Variants in OXSM observed in about 807,000 individuals in gnomAD.
OXSM encodes the protein 3-oxoacyl-ACP synthase, mitochondrial, also known as 3-oxoacyl-[acyl-carrier-protein] synthase, mitochondrial.
In OXSM, 19 loss-of-function variants were observed where a neutral mutation model predicts 29.2. The observed-to-expected ratio is 0.65, with a 90% confidence interval of 0.45 to 0.96. The LOEUF is 0.96. Among genes scored for constraint, OXSM ranks in the 40% least tolerant of loss-of-function variants. OXSM has a pLI of 0.00. For synonymous variants in OXSM, 178 were observed against 197.1 expected (o/e 0.90, Z 0.81); for missense variants, 554 against 551.3 (o/e 1.00, Z -0.05).
In OXSM at chr3:25,794,274, T is replaced by A. The variant is rs748222631; in HGVS notation, c.1160T>A (p.Leu387Gln). Residue 387 changes from leucine (L) to glutamine (Q), a missense_variant, in exon 3 of 3, where the codon CTG (leucine) becomes CAG (glutamine). Coordinates refer to ENST00000280701, the MANE Select transcript of OXSM (RefSeq NM_017897.3). Reference sequence around the variant, plus strand: ...ACTAAGGGAGCAACAGGACATCTGCTGGGAGCTGCAGGGGCAGTCGAGGCA... The same window carrying A: ...ACTAAGGGAGCAACAGGACATCTGCAGGGAGCTGCAGGGGCAGTCGAGGCA... Reference protein sequence around the residue: ...SSTKGATGHLLGAAGAVEAAF... With the variant: ...SSTKGATGHLQGAAGAVEAAF... The A allele has an allele frequency of 1.6e-5, 26 of 1,614,220 alleles. No homozygotes were observed. In the South Asian group the frequency reaches 2.9e-4, roughly 18 times the overall value.
At chr3:25,793,419 C>G (rs1708808601) in intron 2 of OXSM, among the ~76,000 whole-genome samples, 1 of 152,132 alleles carries the variant, frequency 6.6e-6, no homozygotes, top group Non-Finnish European at 1.5e-5. Flanking sequence ...TCTGAGCTGG[C>G]TGTTAAGAAA....
chr3:25,790,755 G>A (rs898295240), intron 1 of OXSM: 2 of 375,040 alleles, frequency 5.3e-6, no homozygotes, highest in Non-Finnish European at 9.6e-6. Context: ...TGACTCGAAT[G>A]AATCATCAAT....
Position 25,791,036 on chromosome 3 carries a change from C to T in OXSM, c.16C>T (p.Gln6Ter). MSNCL[Q>*]NFLKITSTRL... ...AATCTTAATCATGTCCAACTGCCTG[C>T]AAAATTTCCTGAAAATTACAAGCAC... Residue 6 changes from glutamine to a stop codon, truncating the protein, a stop_gained, in exon 2 of 3, where the codon CAA (glutamine) becomes TAA (stop). Transcript: ENST00000280701. LOFTEE classifies it high-confidence loss of function. 1.2e-6 allele frequency: 2 copies of T among 1,611,248 alleles called. No individual in the cohort carries two copies. The highest frequency in any genetic ancestry group is 2.2e-5 in the South Asian group (2 of 90,948).
chr3:25,794,492 T>C lies in OXSM; in HGVS notation c.1378T>C (p.Ter460GlnextTer3), dbSNP rs9851096. 12,314 of 1,575,054 alleles carry C rather than the reference T, an allele frequency of 7.8e-3. 752 individuals carry two copies. The African/African-American group carries it at 0.14, about 18-fold the overall frequency. The change falls in exon 3 of 3, where the codon TAG (stop) becomes CAG (glutamine). Residue 460 changes from the stop codon to glutamine, a stop_lost. Transcript: ENST00000280701. ...TGCAACACTTTGTATTGCTGGACTGTAGAACATATAATTTGTAATTAAATA... is the reference window on the plus strand; with the variant it reads ...TGCAACACTTTGTATTGCTGGACTGCAGAACATATAATTTGTAATTAAATA... ...TNATLCIAGL* is the reference protein window; with the variant it reads ...TNATLCIAGLQ
chr3:25,791,279 A>C lies in OXSM; in HGVS notation c.259A>C (p.Ser87Arg). 2 of 1,614,216 alleles carry C rather than the reference A, an allele frequency of 1.2e-6. No homozygotes were observed. Among genetic ancestry groups the C allele is most frequent in the African/African-American group, 2.7e-5 (2 of 75,054 alleles). Residue 87 changes from serine (S) to arginine (R), a missense_variant, in exon 2 of 3, where the codon AGT becomes CGT. Ser to Arg is a moderately radical substitution (Grantham distance 110, BLOSUM62 -1). Coordinates refer to ENST00000280701, the MANE Select transcript of OXSM (RefSeq NM_017897.3). The stretch of plus-strand genomic sequence containing the variant: ...TGAAGAGTATAAGAGTATCCCTTGC[A>C]GTGTTGCTGCTTATGTGCCAAGAGG... ...VGEEYKSIPC[S>R]VAAYVPRGSD... is the part of the protein sequence containing the mutation.
In OXSM at chr3:25,791,774, C is replaced by T. The variant is rs1042683537; in HGVS notation, c.754C>T (p.Arg252Trp). ...PLSLAGFSRA[R>W]ALSTNSDPKL... ...ATCTCTTGCTGGGTTTTCCAGAGCCCGGGCTCTGAGCACAAACTCAGATCC... is the reference window on the plus strand; with the variant it reads ...ATCTCTTGCTGGGTTTTCCAGAGCCTGGGCTCTGAGCACAAACTCAGATCC... Residue 252 changes from arginine (R) to tryptophan (W), a missense_variant, in exon 2 of 3, where the codon CGG (arginine) becomes TGG (tryptophan). Physicochemically the swap from Arg to Trp is moderately radical, Grantham distance 101. Coordinates refer to ENST00000280701, the MANE Select transcript of OXSM (RefSeq NM_017897.3). 15 of 1,614,000 alleles carry T rather than the reference C, an allele frequency of 9.3e-6. No individual in the cohort carries two copies. Among genetic ancestry groups the T allele is most frequent in the Non-Finnish European group, 1.2e-5 (14 of 1,180,022 alleles).
chr3:25,793,228 A>C (rs559340067), intron 2 of OXSM, among the ~76,000 whole-genome samples: 1 of 151,424 alleles, frequency 6.6e-6, no homozygotes, highest in East Asian at 1.9e-4. Flanking sequence ...TCCTGGCCTC[A>C]AGCAGTCCTC....
chr3:25,791,000 C>T lies in OXSM; in HGVS notation c.-21C>T, dbSNP rs773536942. 5.0e-6 allele frequency: 8 copies of T among 1,597,008 alleles called. No individual in the cohort carries two copies. In the East Asian group the frequency reaches 1.3e-4, roughly 27 times the overall value. On this transcript the variant is annotated 5_prime_UTR_variant, in exon 2 of 3. Coordinates refer to ENST00000280701, the MANE Select transcript of OXSM (RefSeq NM_017897.3). ...TGTGGTCTTTTACAGGAATGTGTTT[C>T]TGATCATCTGAATCTTAATCATGTC...
rs773852165 is a variant in OXSM at position 25,791,296 on chromosome 3, G to A, written c.276G>A (p.Val92=). The stretch of plus-strand genomic sequence containing the variant: ...TCCCTTGCAGTGTTGCTGCTTATGT[G>A]CCAAGAGGTAGTGATGAAGGTCAGT... ...KSIPCSVAAY[V]PRGSDEGQFN... is the part of the protein sequence containing the mutation. Residue 92 remains valine (V), a synonymous_variant, in exon 2 of 3, where the codon GTG becomes GTA. Transcript: ENST00000280701. 1.9e-6 allele frequency: 3 copies of A among 1,614,124 alleles called. No individual in the cohort carries two copies. The highest frequency in any genetic ancestry group is 2.5e-6 in the Non-Finnish European group (3 of 1,180,014).
rs1559568804 is a variant in OXSM, at chr3:25,791,934, A to G, written c.914A>G (p.Tyr305Cys). 2.5e-6 allele frequency: 4 copies of G among 1,601,456 alleles called. No individual in the cohort carries two copies. The highest frequency in any genetic ancestry group is 1.7e-5 in the Admixed American group (1 of 60,014). Residue 305 changes from tyrosine (Y) to cysteine (C), a missense_variant, in exon 2 of 3, where the codon TAT becomes TGT. By Grantham distance (194) the Tyr-to-Cys change is radical. Coordinates refer to ENST00000280701, the MANE Select transcript of OXSM (RefSeq NM_017897.3). ...CGGATCTATGCAGAAGTTTTGGGCT[A>G]TGGACTCTCAGGTGATGCTGGTCAC... ...RARIYAEVLG[Y>C]GLSGDAGHIT...
chr3:25,791,849 G>T lies in OXSM; in HGVS notation c.829G>T (p.Gly277Ter), dbSNP rs1488263883. The T allele has an allele frequency of 1.2e-6, 2 of 1,613,906 alleles. No homozygotes were observed. Among genetic ancestry groups the T allele is most frequent in the Admixed American group, 3.3e-5 (2 of 60,030 alleles). The stretch of plus-strand genomic sequence containing the variant: ...TCCAAAGAGAGATGGTTTTGTAATG[G>T]GAGAAGGTGCAGCTGTGCTGGTGCT... ...FHPKRDGFVM[G>*]EGAAVLVLEE... Residue 277 changes from glycine to a stop codon, truncating the protein, a stop_gained, in exon 2 of 3, where the codon GGA becomes TGA. Transcript: ENST00000280701. LOFTEE classifies it high-confidence loss of function.
intron 2 of OXSM, among the ~76,000 whole-genome samples, 191 bp downstream of exon 2, chr3:25,792,188 T>TA (rs1708773601): frequency 6.6e-6 from 1 of 152,206 alleles, no homozygotes; most frequent in Admixed American, 6.5e-5. Context: ...TGAACATACT[T>TA]ACAAAAATTG....
Position 25,791,140 on chromosome 3 carries a change from G to A in OXSM, c.120G>A (p.Leu40=), listed in dbSNP as rs749476739. 6.8e-6 allele frequency: 11 copies of A among 1,614,116 alleles called. No individual in the cohort carries two copies. The highest frequency in any genetic ancestry group is 9.3e-6 in the Non-Finnish European group (11 of 1,180,044). ...KFFGTVPISR[L]HRRVVITGIG... is the part of the protein sequence containing the mutation. ...TCGGAACTGTGCCAATATCCAGATT[G>A]CATAGGCGAGTTGTCATTACAGGCA... The change falls in exon 2 of 3, where the codon TTG becomes TTA. Residue 40 remains leucine (L), a synonymous_variant. Transcript: ENST00000280701.
chr3:25,790,937 G>C, intron 1 of OXSM, 53 bp from the exon 2 acceptor site: 1 of 1,337,746 alleles, frequency 7.5e-7, no homozygotes, highest in South Asian at 1.4e-5. Flanking sequence ...TTTTCCTTAG[G>C]CCCTTAAGCT....
At chr3:25,793,741 C>T (rs1484780704) in intron 2 of OXSM, among the ~76,000 whole-genome samples, 2 of 152,160 alleles carry the variant, frequency 1.3e-5, no homozygotes, top group Non-Finnish European at 2.9e-5. Flanking sequence ...ATCCCTAGAA[C>T]AAAAATTATT....
In OXSM at chr3:25,794,330, A is replaced by G; in HGVS notation, c.1216A>G (p.Lys406Glu). 1 of 1,614,230 alleles carries G rather than the reference A, an allele frequency of 6.2e-7. No individual in the cohort carries two copies. The highest frequency in any genetic ancestry group is 8.5e-7 in the Non-Finnish European group (1 of 1,180,044). The change falls in exon 3 of 3, where the codon AAA (lysine) becomes GAA (glutamate). Residue 406 changes from lysine to glutamate, a missense_variant. By Grantham distance (56) the Lys-to-Glu change is moderately conservative. Coordinates refer to ENST00000280701, the MANE Select transcript of OXSM (RefSeq NM_017897.3). ...AFTTLACYYQKLPPTLNLDCS... is the reference protein window; with the variant it reads ...AFTTLACYYQELPPTLNLDCS... ...TACCACATTAGCTTGTTATTATCAA[A>G]AACTACCACCTACTTTAAACCTGGA...
rs1559568565 is a variant in OXSM at position 25,791,781 on chromosome 3, T to TGGAAACTCAGATCCCA, written c.762_763insGAAACTCAGATCCCAG (p.Ser255GlufsTer40). ...GCTGGGTTTTCCAGAGCCCGGGCTC[T>TGGAAACTCAGATCCCA]GAGCACAAACTCAGATCCCAAGTTG... On this transcript the variant is annotated frameshift_variant, in exon 2 of 3. Transcript: ENST00000280701. LOFTEE classifies it high-confidence loss of function. The TGGAAACTCAGATCCCA allele has an allele frequency of 6.2e-7, 1 of 1,614,166 alleles. No individual in the cohort carries two copies. Among genetic ancestry groups the TGGAAACTCAGATCCCA allele is most frequent in the Non-Finnish European group, 8.5e-7 (1 of 1,180,030 alleles).
At chr3:25,792,898 C>T (rs1289230658) in intron 2 of OXSM, among the ~76,000 whole-genome samples, 5 of 152,158 alleles carry the variant, frequency 3.3e-5, no homozygotes, top group African/African-American at 1.2e-4. Context: ...GAGTTAGCAA[C>T]CTTTTCTGTA....
rs1411092433 is a variant in OXSM at position 25,791,251 on chromosome 3, T to C, written c.231T>C (p.Val77=). ...IGGESGIVSL[V]GEEYKSIPCS... ...GAGAGAGTGGAATTGTTTCACTGGT[T>C]GGTGAAGAGTATAAGAGTATCCCTT... The change falls in exon 2 of 3, where the codon GTT becomes GTC. Residue 77 remains valine, a synonymous_variant. Transcript: ENST00000280701. 1.5e-5 allele frequency: 24 copies of C among 1,614,098 alleles called. No individual in the cohort carries two copies. Among genetic ancestry groups the C allele is most frequent in the Non-Finnish European group, 1.9e-5 (23 of 1,180,046 alleles).
Sources: allele counts gnomAD v4.1 joint callset (sites outside exome capture counted in the v4.1 genomes callset), GRCh38; gene constraint gnomAD v4.1.1; transcripts MANE v1.5; gene names NCBI Gene and HGNC (gene_info 2026-07-23, HGNC 2026-07-21).